Variants in MSH3 observed in about 807,000 individuals in gnomAD.
The protein encoded by MSH3 is mutS homolog 3.
A neutral mutation model predicts 123.3 loss-of-function variants in MSH3; 106 were observed. That is an observed-to-expected ratio of 0.86 (90% CI 0.73 to 1.01). The LOEUF is 1.01. Ranked by LOEUF, MSH3 falls within the 50% of genes least tolerant of loss-of-function variation. The pLI, the probability that MSH3 is intolerant of heterozygous loss-of-function variation, is 0.00. For synonymous variants in MSH3, 515 were observed against 481.4 expected, an observed-to-expected ratio of 1.07 and a Z score of -0.91; for missense variants, 1,459 against 1,347.6, an observed-to-expected ratio of 1.08 and a Z score of -1.29.
At chr5:80,767,791 A>G (rs1160899319) in intron 13 of MSH3, 142 bp from the exon 14 acceptor site, 4 of 650,342 alleles carry the variant, frequency 6.2e-6, no homozygotes, top group South Asian at 1.9e-5. Flanking sequence ...TTTAGAAAAT[A>G]TCAGTGATAT....
intron 19 of MSH3, among the ~76,000 whole-genome samples, chr5:80,808,870 T>TATATCTATATATATATCTATATATATAG (rs1410979987): frequency 2.6e-4 from 33 of 127,320 alleles, no homozygotes; most frequent in Non-Finnish European, 4.5e-4. Context: ...TATATATATA[T>TATATCTATATATATATCTATATATATAG]ATATATATAT....
chr5:80,849,465 G>A (rs2112100886), intron 20 of MSH3, among the ~76,000 whole-genome samples: 1 of 152,302 alleles, frequency 6.6e-6, no homozygotes, highest in African/African-American at 2.4e-5. Flanking sequence ...CTGCCCTGTA[G>A]CAAATTTCTG....
intron 19 of MSH3, among the ~76,000 whole-genome samples, chr5:80,798,439 G>A (rs1014707668): frequency 6.6e-6 from 1 of 152,188 alleles, no homozygotes; most frequent in African/African-American, 2.4e-5. Flanking sequence ...TGCTTTGGCT[G>A]TATAAAAGTT....
chr5:80,715,209 T>C (rs1274415238), intron 8 of MSH3: 1 of 152,208 alleles, frequency 6.6e-6, no homozygotes, highest in Non-Finnish European at 1.5e-5. Flanking sequence ...CATTCCTTTA[T>C]TCAGCACTAC....
intron 19 of MSH3, among the ~76,000 whole-genome samples, chr5:80,804,849 A>G (rs1744860461): frequency 6.6e-6 from 1 of 151,840 alleles, no homozygotes; most frequent in Non-Finnish European, 1.5e-5. Flanking sequence ...CTGAAGGGCT[A>G]TCATTGTTTA....
Position 80,754,046 on chromosome 5 carries a change from G to A in MSH3, c.1764-7500G>A, listed in dbSNP as rs6151760. Among the ~76,000 whole-genome samples, 88 of 152,242 alleles carry A rather than the reference G, an allele frequency of 5.8e-4. 1 individual carries two copies. The highest frequency in any genetic ancestry group is 2.1e-3 in the African/African-American group (87 of 41,532). On this transcript the variant is annotated intron_variant, in intron 12 of 23. Transcript: ENST00000265081. ...ACCTAGCAGTCTGTTGCCAGAGATG[G>A]TTTTTGTTGTTTCAATTCCATTGTA...
chr5:80,797,270 C>G lies in MSH3; in HGVS notation c.2655+4426C>G, dbSNP rs544604789. Reference sequence around the variant, plus strand: ...TCATTCTTTTTTTATCTGCCTTTCCCAGTGGACTGTAAGCATGAAGAGAAC... The same window carrying G: ...TCATTCTTTTTTTATCTGCCTTTCCGAGTGGACTGTAAGCATGAAGAGAAC... On this transcript the variant is annotated intron_variant, in intron 19 of 23. Transcript: ENST00000265081. Among the ~76,000 whole-genome samples, 20 of 152,268 alleles carry G rather than the reference C, an allele frequency of 1.3e-4. No homozygotes were observed. In the East Asian group the frequency reaches 3.9e-3, roughly 29 times the overall value.
intron 8 of MSH3, among the ~76,000 whole-genome samples, chr5:80,724,847 A>G (rs1310244301): frequency 2.0e-5 from 3 of 152,158 alleles, no homozygotes; most frequent in African/African-American, 2.4e-5. Context: ...CCTAATTTCA[A>G]TGAGTTTTTC....
In MSH3 at chr5:80,778,813, T is replaced by C. The variant is rs1377891964; in HGVS notation, c.2412T>C (p.Ser804=). ...GGGAGCAGCTAGTCCTTGACTGCAG[T>C]GCTGAATGGCTTGATTTTCTAGAGT... ...QLREQLVLDC[S]AEWLDFLEKF... The change falls in exon 17 of 24, where the codon AGT becomes AGC. Residue 804 remains serine (S), a synonymous_variant. Transcript: ENST00000265081. The C allele has an allele frequency of 6.3e-7, 1 of 1,592,988 alleles. No individual in the cohort carries two copies. The highest frequency in any genetic ancestry group is 2.2e-5 in the East Asian group (1 of 44,756).
chr5:80,763,562 T>G (rs889461419), intron 13 of MSH3, among the ~76,000 whole-genome samples: 1 of 152,068 alleles, frequency 6.6e-6, no homozygotes, highest in African/African-American at 2.4e-5. Context: ...CATATTAACC[T>G]TCTTTAAACA....
chr5:80,838,299 C>G (rs1399402409), intron 20 of MSH3, among the ~76,000 whole-genome samples: 1 of 152,136 alleles, frequency 6.6e-6, no homozygotes, highest in Non-Finnish European at 1.5e-5. Flanking sequence ...GCCGAGTGAG[C>G]AGAGTGTAGA....
intron 17 of MSH3, among the ~76,000 whole-genome samples, chr5:80,779,304 C>A (rs1002044357): frequency 1.3e-5 from 2 of 151,660 alleles, no homozygotes; most frequent in African/African-American, 2.4e-5. Flanking sequence ...GAAAGAAATT[C>A]TTAAAATCTA....
intron 10 of MSH3, among the ~76,000 whole-genome samples, chr5:80,735,257 G>GCCTGTAAT (rs1410199247): frequency 2.0e-5 from 3 of 151,852 alleles, no homozygotes; most frequent in Non-Finnish European, 4.4e-5. Flanking sequence ...GGTGGCAGGT[G>GCCTGTAAT]CCTGTAATCC....
Position 80,657,752 on chromosome 5 carries a change from A to C in MSH3, c.358+1221A>C, listed in dbSNP as rs575936728. ...AAGGTAAAATTTGAATTTTAGGGTC[A>C]ACATGAAAGTGTTAGTATGAAATAA... On this transcript the variant is annotated intron_variant, in intron 2 of 23. Transcript: ENST00000265081. Among the ~76,000 whole-genome samples, 7 of 152,302 alleles carry C rather than the reference A, an allele frequency of 4.6e-5. No homozygotes were observed. The South Asian group carries it at 1.5e-3, about 32-fold the overall frequency.
chr5:80,845,077 C>G (rs545289772), intron 20 of MSH3, among the ~76,000 whole-genome samples: 17 of 152,250 alleles, frequency 1.1e-4, no homozygotes, highest in African/African-American at 4.1e-4. Context: ...CCTTTAGGAG[C>G]TCTTGTAAGG....
At chr5:80,826,252 G>A (rs1031852455) in intron 20 of MSH3, among the ~76,000 whole-genome samples, 8 of 152,142 alleles carry the variant, frequency 5.3e-5, no homozygotes, top group Admixed American at 5.2e-4. Flanking sequence ...CTACTGTATG[G>A]CTTGTAATCT....
intron 10 of MSH3, among the ~76,000 whole-genome samples, chr5:80,735,104 C>T (rs571235156): frequency 5.9e-5 from 9 of 152,272 alleles, no homozygotes; most frequent in African/African-American, 2.2e-4. Flanking sequence ...TGATTACCGG[C>T]CAGGTGTGGT....
At chr5:80,832,716 G>A (rs1745440577) in intron 20 of MSH3, among the ~76,000 whole-genome samples, 1 of 151,598 alleles carries the variant, frequency 6.6e-6, no homozygotes, top group African/African-American at 2.4e-5. Context: ...TGCTAAAATG[G>A]TAAATTTTAT....
intron 2 of MSH3, among the ~76,000 whole-genome samples, chr5:80,663,794 CA>C (rs1749501143): frequency 6.6e-6 from 1 of 151,652 alleles, no homozygotes; most frequent in South Asian, 2.1e-4. Context: ...TTTTTTGAAG[CA>C]ACAAAAGCAG....
Sources: gnomAD v4.1 joint callset for allele counts (sites outside exome capture counted in the v4.1 genomes callset) on GRCh38, gnomAD v4.1.1 for gene constraint, MANE v1.5 for transcripts, NCBI Gene and HGNC (gene_info 2026-07-23, HGNC 2026-07-21) for gene names.